Variants in DMD observed in about 807,000 individuals in gnomAD.
DMD encodes the protein dystrophin.
Under a neutral mutation model 330.1 loss-of-function variants are expected in DMD, and 63 were observed. The ratio of observed to expected loss-of-function variants is 0.19; its 90% CI spans 0.16 to 0.24. The LOEUF (loss-of-function observed/expected upper bound fraction) is 0.24, where lower values mean the gene tolerates loss of function less well. DMD is among the 10% of genes least tolerant of loss of function. The probability of loss-of-function intolerance (pLI) is 1.00; values close to 1 mark genes in which losing one functional copy is unlikely to be tolerated. For missense variants in DMD, 3,344 were observed against 2,684.1 expected, an observed-to-expected ratio of 1.25 and a Z score of -5.43; for synonymous variants, 1,223 against 959.8, an observed-to-expected ratio of 1.27 and a Z score of -5.07.
At chrX:32,177,823 A>G (rs1036455701) in intron 44 of DMD, among the ~76,000 whole-genome samples, 1 of 110,974 alleles carries the variant, frequency 9.0e-6, no homozygotes, top group African/African-American at 3.3e-5. Flanking sequence ...TGTGGTAAAA[A>G]TGAAAATGAA....
At chrX:32,106,825 T>G (rs2096566068) in intron 44 of DMD, among the ~76,000 whole-genome samples, 1 of 111,946 alleles carries the variant, frequency 8.9e-6, no homozygotes, top group African/African-American at 3.2e-5. Context: ...TGCAATCAAC[T>G]GGCAGGTACA....
At chrX:32,290,228 C>T (rs755588579) in intron 42 of DMD, among the ~76,000 whole-genome samples, 2 of 112,405 alleles carry the variant, frequency 1.8e-5, no homozygotes, top group South Asian at 7.3e-4. Flanking sequence ...GTTAAAGGGG[C>T]CTTCTCTACT....
At chrX:32,623,510 AAG>A (rs2058135403) in intron 11 of DMD, among the ~76,000 whole-genome samples, 1 of 109,520 alleles carries the variant, frequency 9.1e-6, no homozygotes, top group East Asian at 2.9e-4. Context: ...TGCCAAGGTA[AAG>A]ATTTATAATA....
chrX:31,894,014 G>A lies in DMD; in HGVS notation c.6913-18641C>T, dbSNP rs1231590861. Among the ~76,000 whole-genome samples, 3 of 111,495 alleles carry A rather than the reference G, an allele frequency of 2.7e-5. No individual in the cohort carries two copies. In the East Asian group the frequency reaches 8.5e-4, roughly 32 times the overall value. The stretch of plus-strand genomic sequence containing the variant: ...AAGAAGACAAAGACTGTGTCTGCCT[G>A]ACACCTGGATGCCTGTGAACACAAA... On this transcript the variant is annotated intron_variant, in intron 47 of 78. Coordinates refer to ENST00000357033, the MANE Select transcript of DMD (RefSeq NM_004006.3).
At chrX:32,594,326 T>C (rs2055274077) in intron 13 of DMD, among the ~76,000 whole-genome samples, 1 of 111,250 alleles carries the variant, frequency 9.0e-6, no homozygotes, top group Non-Finnish European at 1.9e-5. Flanking sequence ...TTCAACAGAA[T>C]TTTAGTGCAA....
chrX:32,790,164 G>T (rs2075712178), intron 7 of DMD, among the ~76,000 whole-genome samples: 1 of 111,431 alleles, frequency 9.0e-6, no homozygotes, highest in Non-Finnish European at 1.9e-5. Context: ...AAAGTACCAA[G>T]TAGATAATCA....
intron 1 of DMD, among the ~76,000 whole-genome samples, chrX:33,143,877 T>G (rs1407574482): frequency 1.8e-5 from 2 of 111,604 alleles, no homozygotes; most frequent in African/African-American, 3.3e-5. Context: ...AAAATACAGT[T>G]TTTTTTAAAC....
intron 17 of DMD, among the ~76,000 whole-genome samples, chrX:32,519,129 A>G (rs1175070709): frequency 1.9e-5 from 2 of 102,900 alleles, no homozygotes; most frequent in African/African-American, 7.1e-5. Flanking sequence ...CTAATGGAAT[A>G]GTATTAAGCC....
At position 31,836,785 on chromosome X, in the gene DMD, T is replaced by C; in HGVS notation, c.7133A>G (p.Asp2378Gly). The C allele has an allele frequency of 8.3e-7, 1 of 1,211,326 alleles. No individual in the cohort carries two copies. Among genetic ancestry groups the C allele is most frequent in the Non-Finnish European group, 1.1e-6 (1 of 895,205 alleles). ...TEIAVQAKQP[D>G]VEEILSKGQH... ...CCCTTTAGACAAAATCTCTTCCACA[T>C]CCGGTTGTTTAGCTTGAACTGCTAT... Residue 2378 changes from aspartate (D) to glycine (G), a missense_variant, in exon 49 of 79, where the codon GAT becomes GGT. Transcript: ENST00000357033.
intron 44 of DMD, among the ~76,000 whole-genome samples, chrX:32,017,392 C>G (rs1412016692): frequency 1.8e-5 from 2 of 111,877 alleles, no homozygotes; most frequent in African/African-American, 6.5e-5. Context: ...TTCAGGTCAA[C>G]AAACATTGGC....
intron 47 of DMD, among the ~76,000 whole-genome samples, chrX:31,927,119 A>T (rs996155202): frequency 9.8e-5 from 11 of 112,568 alleles, no homozygotes; most frequent in East Asian, 5.5e-4. Flanking sequence ...ATACAGAGGC[A>T]TATGGATGGA....
chrX:32,619,932 A>C (rs2057868894), intron 11 of DMD, among the ~76,000 whole-genome samples: 2 of 111,400 alleles, frequency 1.8e-5, no homozygotes, highest in Non-Finnish European at 3.8e-5. Flanking sequence ...TAAGAGGAAC[A>C]CAATTCCAGC....
chrX:31,530,263 C>A (rs1467930712), intron 55 of DMD, among the ~76,000 whole-genome samples: 1 of 112,063 alleles, frequency 8.9e-6, no homozygotes, highest in Non-Finnish European at 1.9e-5. Flanking sequence ...TTTATAAAGT[C>A]ATGGATGAAG....
intron 57 of DMD, among the ~76,000 whole-genome samples, chrX:31,492,945 G>A (rs933813000): frequency 3.6e-5 from 4 of 110,647 alleles, no homozygotes; most frequent in African/African-American, 1.3e-4. Flanking sequence ...TGATGGGTGT[G>A]GCAAACCACC....
At chrX:31,831,159 G>T (rs941976586) in intron 49 of DMD, among the ~76,000 whole-genome samples, 7 of 111,935 alleles carry the variant, frequency 6.3e-5, no homozygotes, top group Non-Finnish European at 1.3e-4. Context: ...TTAATTTTTT[G>T]ATTACAGATA....
At chrX:31,724,280 A>T (rs1189975579) in intron 52 of DMD, among the ~76,000 whole-genome samples, 2 of 112,656 alleles carry the variant, frequency 1.8e-5, no homozygotes, top group Non-Finnish European at 3.7e-5. Flanking sequence ...ACAAATGTGG[A>T]GAACAACAGA....
chrX:32,591,151 A>G (rs2054867839), intron 13 of DMD, among the ~76,000 whole-genome samples: 2 of 111,765 alleles, frequency 1.8e-5, no homozygotes. Flanking sequence ...GAGCCACTGT[A>G]CCTAGCCTCA....
At chrX:31,709,584 CTGTGTGTGTG>C (rs55768943) in intron 52 of DMD, among the ~76,000 whole-genome samples, 5 of 94,035 alleles carry the variant, frequency 5.3e-5, no homozygotes, top group Admixed American at 1.2e-4. Flanking sequence ...CTCTCTCTGT[CTGTGTGTGTG>C]TGTGTGTGTG....
chrX:32,355,836 T>G (rs765473995), intron 37 of DMD, among the ~76,000 whole-genome samples: 83 of 110,991 alleles, frequency 7.5e-4, no homozygotes, highest in Non-Finnish European at 1.5e-3. Context: ...TATTTACAAG[T>G]CTTCATCTCA....
Sources: gnomAD v4.1 joint callset for allele counts (sites outside exome capture counted in the v4.1 genomes callset) on GRCh38, gnomAD v4.1.1 for gene constraint, MANE v1.5 for transcripts, NCBI Gene and HGNC (gene_info 2026-07-23, HGNC 2026-07-21) for gene names.